Variants in ZNF136 observed in about 807,000 individuals in gnomAD.
ZNF136 encodes zinc finger protein 136 (clone pHZ-20).
Under a neutral mutation model 11.4 loss-of-function variants are expected in ZNF136, and 8 were observed. The observed-to-expected ratio is 0.70, with a 90% confidence interval of 0.41 to 1.27. The LOEUF (loss-of-function observed/expected upper bound fraction) is 1.27, where lower values mean the gene tolerates loss of function less well. Among genes scored for constraint, ZNF136 ranks in the 50% most tolerant of loss-of-function variants. The probability of loss-of-function intolerance (pLI) is 0.01; values close to 1 mark genes in which losing one functional copy is unlikely to be tolerated. For missense variants in ZNF136, 590 were observed against 656.5 expected (o/e 0.90, Z 1.11); for synonymous variants, 190 against 207.1 (o/e 0.92, Z 0.71).
At position 12,185,999 on chromosome 19, in the gene ZNF136, G is replaced by A; in HGVS notation, c.130+88G>A. The A allele has an allele frequency of 2.5e-6, 4 of 1,599,342 alleles. No individual in the cohort carries two copies. In the South Asian group the frequency reaches 4.5e-5, roughly 18 times the overall value. ...CTGTTCCATGGTTTGCATCATGGAG[G>A]GAGAGTACTTGGGGGGCTAAAACAG... On this transcript the variant is annotated intron_variant, in intron 2 of 3. Transcript: ENST00000343979.
At chr19:12,171,545 A>G (rs1914653809) in intron 1 of ZNF136, among the ~76,000 whole-genome samples, 1 of 151,980 alleles carries the variant, frequency 6.6e-6, no homozygotes, top group African/African-American at 2.4e-5. Flanking sequence ...TCATTTGTAT[A>G]TTTATTGCTT....
At chr19:12,165,526 G>A (rs1320979000) in intron 1 of ZNF136, among the ~76,000 whole-genome samples, 3 of 152,138 alleles carry the variant, frequency 2.0e-5, no homozygotes, top group Non-Finnish European at 4.4e-5. Context: ...TATTTTCAAC[G>A]GCTTGTATCT....
In ZNF136 at chr19:12,186,560, T is replaced by C. The variant is rs751499289; in HGVS notation, c.192-10T>C. 8 of 1,578,922 alleles carry C rather than the reference T, an allele frequency of 5.1e-6. No homozygotes were observed. The highest frequency in any genetic ancestry group is 6.9e-6 in the Non-Finnish European group (8 of 1,162,246). ...CAAATCCTTAGTAATGTCCGTCTCA[T>C]TTTTTACAGAAGTCATATGTTAGAA... On this transcript the variant is annotated splice_polypyrimidine_tract_variant and intron_variant, in intron 3 of 3. Coordinates refer to ENST00000343979, the MANE Select transcript of ZNF136 (RefSeq NM_003437.5).
intron 1 of ZNF136, among the ~76,000 whole-genome samples, chr19:12,165,108 T>C (rs1259921819): frequency 6.6e-6 from 1 of 152,206 alleles, no homozygotes; most frequent in African/African-American, 2.4e-5. Flanking sequence ...AAATGATTCC[T>C]GTCCTTTGTA....
chr19:12,174,857 C>CT (rs538143217), intron 1 of ZNF136, among the ~76,000 whole-genome samples: 1,222 of 87,188 alleles, frequency 0.014, 28 homozygotes, highest in East Asian at 0.059. Flanking sequence ...GGATGGCTTT[C>CT]TTTTTTTTTT....
intron 1 of ZNF136, chr19:12,163,644 C>G (rs562615429): frequency 1.7e-5 from 3 of 179,736 alleles, no homozygotes; most frequent in South Asian, 3.9e-4. Context: ...CCTGCTGTTT[C>G]CAGGGCTTGC....
chr19:12,178,306 C>T (rs1455767461), intron 1 of ZNF136, among the ~76,000 whole-genome samples: 1 of 152,188 alleles, frequency 6.6e-6, no homozygotes, highest in Non-Finnish European at 1.5e-5. Flanking sequence ...AGTTTGACAT[C>T]CACATCCACA....
chr19:12,182,497 G>GTTTAC, intron 1 of ZNF136, among the ~76,000 whole-genome samples: 1 of 152,314 alleles, frequency 6.6e-6, no homozygotes, highest in African/African-American at 2.4e-5. Context: ...CAGTGACATG[G>GTTTAC]TTTACTCTTC....
At chr19:12,167,979 C>G (rs1227996956) in intron 1 of ZNF136, among the ~76,000 whole-genome samples, 1 of 151,344 alleles carries the variant, frequency 6.6e-6, no homozygotes, top group Non-Finnish European at 1.5e-5. Context: ...GATACCTTTT[C>G]CATTACTTCA....
intron 1 of ZNF136, among the ~76,000 whole-genome samples, chr19:12,183,677 C>T (rs1463517907): frequency 1.3e-5 from 2 of 152,042 alleles, no homozygotes; most frequent in East Asian, 3.9e-4. Context: ...TAGCTTGCTG[C>T]ATTCTCATAC....
At chr19:12,176,949 A>T (rs1457540980) in intron 1 of ZNF136, among the ~76,000 whole-genome samples, 2 of 152,164 alleles carry the variant, frequency 1.3e-5, no homozygotes, top group African/African-American at 4.8e-5. Flanking sequence ...TGTATGTCTG[A>T]TGGGGAGACA....
Position 12,179,031 on chromosome 19 carries a change from T to C in ZNF136, c.4-6754T>C, listed in dbSNP as rs530149931. Among the ~76,000 whole-genome samples, 28 of 151,610 alleles carry C rather than the reference T, an allele frequency of 1.8e-4. 1 individual carries two copies. The South Asian group carries it at 5.8e-3, about 32-fold the overall frequency. ...AAGAAAGAAAAAAAAAAAAGAAAAA[T>C]TGTGAATCAATATTCTGTGCATACA... is the stretch of plus-strand genomic sequence containing the variant. On this transcript the variant is annotated intron_variant, in intron 1 of 3. Coordinates refer to ENST00000343979, the MANE Select transcript of ZNF136 (RefSeq NM_003437.5).
At chr19:12,186,461 T>G in intron 3 of ZNF136, 109 bp from the exon 4 acceptor site, 1 of 991,892 alleles carries the variant, frequency 1.0e-6, no homozygotes, top group Non-Finnish European at 1.5e-6. Flanking sequence ...CAAATCAGAC[T>G]TGGCATCGAG....
At chr19:12,186,091 A>G in intron 2 of ZNF136, 23 bp from the exon 3 acceptor site, 2 of 1,604,016 alleles carry the variant, frequency 1.2e-6, no homozygotes, top group Non-Finnish European at 1.7e-6. Flanking sequence ...CTAATTCAGA[A>G]TTTTTCTGGG....
Position 12,186,739 on chromosome 19 carries a change from A to G in ZNF136, c.361A>G (p.Ile121Val). The stretch of plus-strand genomic sequence containing the variant: ...GGGTCAGTCATCCCTTAATAGACAC[A>G]TCAAAGATCACAGTGGACATGAACC... ...SMGQSSLNRH[I>V]KDHSGHEPKE... Residue 121 changes from isoleucine to valine, a missense_variant, in exon 4 of 4, where the codon ATC becomes GTC. By Grantham distance (29) the Ile-to-Val change is conservative. Coordinates refer to ENST00000343979, the MANE Select transcript of ZNF136 (RefSeq NM_003437.5). 4.3e-6 allele frequency: 7 copies of G among 1,614,166 alleles called. No homozygotes were observed. In the South Asian group the frequency reaches 7.7e-5, roughly 18 times the overall value.
At position 12,186,858 on chromosome 19, in the gene ZNF136, A is replaced by C. The variant is rs1915108283; in HGVS notation, c.480A>C (p.Ile160=). 6.2e-7 allele frequency: 1 copy of C among 1,614,000 alleles called. No individual in the cohort carries two copies. ...SSHHSFRTHE[I]IHTGEKLYDC... ...ACCACTCCTTTCGAACACATGAGAT[A>C]ATTCACACTGGAGAGAAACTCTATG... Residue 160 remains isoleucine, a synonymous_variant, in exon 4 of 4, where the codon ATA becomes ATC. Transcript: ENST00000343979.
In ZNF136 at chr19:12,177,266, A is replaced by G. The variant is rs117469653; in HGVS notation, c.4-8519A>G. ...GTCAAATGTTTTTGATACTGATTCT[A>G]TTAATATTGTGATTTTCAAATGTGA... On this transcript the variant is annotated intron_variant, in intron 1 of 3. Transcript: ENST00000343979. Among the ~76,000 whole-genome samples the G allele has an allele frequency of 3.1e-3, 479 of 152,352 alleles. 1 individual carries two copies. Among genetic ancestry groups the G allele is most frequent in the Middle Eastern group, 0.017 (5 of 294 alleles).
chr19:12,187,250 G>A lies in ZNF136; in HGVS notation c.872G>A (p.Cys291Tyr). 1.2e-6 allele frequency: 2 copies of A among 1,613,708 alleles called. No individual in the cohort carries two copies. The highest frequency in any genetic ancestry group is 1.7e-6 in the Non-Finnish European group (2 of 1,179,880). The stretch of plus-strand genomic sequence containing the variant: ...AAGCAATGTGGTAAAGCCTTCAGTT[G>A]TTCCCCAACCTTACGAATACATGAA... ...KCKQCGKAFS[C>Y]SPTLRIHERT... is the part of the protein sequence containing the mutation. Residue 291 changes from cysteine (C) to tyrosine (Y), a missense_variant, in exon 4 of 4, where the codon TGT becomes TAT. Physicochemically the swap from Cys to Tyr is radical, Grantham distance 194. Coordinates refer to ENST00000343979, the MANE Select transcript of ZNF136 (RefSeq NM_003437.5).
chr19:12,183,263 G>A (rs1251436374), intron 1 of ZNF136, among the ~76,000 whole-genome samples: 2 of 151,842 alleles, frequency 1.3e-5, no homozygotes, highest in Non-Finnish European at 2.9e-5. Flanking sequence ...TCCCACCTCA[G>A]CCTCCTGAGC....
Sources: allele counts gnomAD v4.1 joint callset (sites outside exome capture counted in the v4.1 genomes callset), GRCh38; gene constraint gnomAD v4.1.1; transcripts MANE v1.5; gene names NCBI Gene and HGNC (gene_info 2026-07-23, HGNC 2026-07-21).